The following DPP6 variants were observed in gnomAD, a reference collection of about 807,000 sequenced individuals.
The protein encoded by DPP6 is A-type potassium channel modulatory protein DPP6.
In DPP6, 69 loss-of-function variants were observed where a neutral mutation model predicts 122.6. That is an observed-to-expected ratio of 0.56 (90% CI 0.46 to 0.69). The LOEUF (loss-of-function observed/expected upper bound fraction) is 0.69. Among genes scored for constraint, DPP6 ranks in the 30% least tolerant of loss-of-function variants. The probability of loss-of-function intolerance (pLI) is 0.00; values close to 1 mark genes in which losing one functional copy is unlikely to be tolerated. For synonymous variants in DPP6, 418 were observed against 433.1 expected (o/e 0.97, Z 0.43); for missense variants, 928 against 1,116.9 (o/e 0.83, Z 2.41).
At chr7:154,651,521 G>C (rs1287635626) in intron 6 of DPP6, among the ~76,000 whole-genome samples, 3 of 152,026 alleles carry the variant, frequency 2.0e-5, no homozygotes, top group Non-Finnish European at 4.4e-5. Flanking sequence ...TTAATGATAC[G>C]AGCACCATGC....
intron 8 of DPP6, among the ~76,000 whole-genome samples, chr7:154,748,001 T>G (rs1387880120): frequency 6.6e-6 from 1 of 152,204 alleles, no homozygotes; most frequent in African/African-American, 2.4e-5. Context: ...GTACAAGCTG[T>G]CAGCTGACAA....
In DPP6 at chr7:154,494,554, G is replaced by C. The variant is rs77575363; in HGVS notation, c.457+19517G>C. Among the ~76,000 whole-genome samples, 18 of 151,430 alleles carry C rather than the reference G, an allele frequency of 1.2e-4. 1 individual carries two copies. In the East Asian group the frequency reaches 3.5e-3, roughly 29 times the overall value. On this transcript the variant is annotated intron_variant, in intron 3 of 25. Coordinates refer to ENST00000377770, the MANE Select transcript of DPP6 (RefSeq NM_130797.4). The stretch of plus-strand genomic sequence containing the variant: ...GGATGAATATGTTCTTATAATTTTT[G>C]TTTCTTTCTATATTTCAGATAAAAC...
chr7:154,446,417 T>C, intron 2 of DPP6, 89 bp downstream of exon 2: 2 of 766,898 alleles, frequency 2.6e-6, no homozygotes, highest in East Asian at 2.8e-5. Flanking sequence ...TAACTACCTA[T>C]TACATAATTT....
intron 2 of DPP6, 119 bp downstream of exon 2, chr7:154,446,447 T>G: frequency 1.7e-6 from 1 of 593,116 alleles, no homozygotes; most frequent in South Asian, 2.9e-5. Context: ...AAGTTCTAAT[T>G]CTCACTATGC....
At chr7:153,816,426 C>G in the DPP6 span, among the ~76,000 whole-genome samples, 1 of 152,006 alleles carries the variant, frequency 6.6e-6, no homozygotes, top group Non-Finnish European at 1.5e-5. Context: ...AATTGTTGCT[C>G]TCCTATTTGT....
At chr7:154,572,768 C>T (rs1480051663) in intron 5 of DPP6, among the ~76,000 whole-genome samples, 3 of 151,496 alleles carry the variant, frequency 2.0e-5, no homozygotes, top group African/African-American at 7.3e-5. Context: ...CAACCTCCAC[C>T]TCCCAGGTTC....
chr7:153,927,942 A>T (rs1415292051), intron 1 of DPP6, among the ~76,000 whole-genome samples: 2 of 152,192 alleles, frequency 1.3e-5, no homozygotes, highest in Non-Finnish European at 2.9e-5. Context: ...CCAAAAGAAT[A>T]GCTTCTGAAG....
At chr7:154,311,641 A>G (rs570325693) in intron 1 of DPP6, among the ~76,000 whole-genome samples, 37 of 152,284 alleles carry the variant, frequency 2.4e-4, no homozygotes, top group Middle Eastern at 3.4e-3. Context: ...TGGGGAGTGG[A>G]GAGGTCTCAA....
At chr7:154,840,635 T>C (rs1236808766) in intron 16 of DPP6, among the ~76,000 whole-genome samples, 2 of 152,240 alleles carry the variant, frequency 1.3e-5, no homozygotes, top group Non-Finnish European at 2.9e-5. Context: ...AAAACTGTTT[T>C]TACGTTCCAG....
At chr7:153,758,846 T>C in the DPP6 span, among the ~76,000 whole-genome samples, 1 of 152,050 alleles carries the variant, frequency 6.6e-6, no homozygotes, top group Non-Finnish European at 1.5e-5. Context: ...ATGTACAAGT[T>C]TTTATATGGA....
chr7:154,167,349 C>G (rs1287765556), intron 1 of DPP6, among the ~76,000 whole-genome samples: 2 of 152,232 alleles, frequency 1.3e-5, no homozygotes, highest in Admixed American at 1.3e-4. Flanking sequence ...TAGGAAGCCA[C>G]TCAGATTAGT....
intron 1 of DPP6, among the ~76,000 whole-genome samples, chr7:154,344,456 C>A (rs1230404542): frequency 6.6e-6 from 1 of 152,098 alleles, no homozygotes; most frequent in Non-Finnish European, 1.5e-5. Context: ...AACCCTCATA[C>A]GCTGTTGGTG....
At chr7:153,778,016 A>G in the DPP6 span, among the ~76,000 whole-genome samples, 5 of 147,960 alleles carry the variant, frequency 3.4e-5, no homozygotes, top group Non-Finnish European at 7.4e-5. Flanking sequence ...CAAACCAGTT[A>G]CTTTAAAAGC....
intron 10 of DPP6, among the ~76,000 whole-genome samples, chr7:154,788,539 A>C (rs1264060548): frequency 5.9e-5 from 9 of 152,238 alleles, no homozygotes; most frequent in African/African-American, 2.2e-4. Flanking sequence ...TATTAGCAAT[A>C]GACAGAAAGG....
intron 1 of DPP6, among the ~76,000 whole-genome samples, chr7:154,437,125 G>C (rs2151270281): frequency 6.6e-6 from 1 of 152,258 alleles, no homozygotes; most frequent in South Asian, 2.1e-4. Context: ...CCTGACAAAG[G>C]AGACTAAGGT....
intron 3 of DPP6, among the ~76,000 whole-genome samples, chr7:154,501,922 G>T (rs773504045): frequency 3.1e-4 from 44 of 143,006 alleles, no homozygotes; most frequent in Non-Finnish European, 5.7e-4. Context: ...CTGAAGGGAG[G>T]CTGTCCCCTG....
intron 1 of DPP6, among the ~76,000 whole-genome samples, chr7:154,233,692 T>A (rs144024072): frequency 2.6e-3 from 401 of 152,308 alleles, no homozygotes; most frequent in African/African-American, 9.3e-3. Context: ...GGACAGATTC[T>A]CTTACACAGC....
At chr7:154,684,205 A>T in intron 7 of DPP6, among the ~76,000 whole-genome samples, 1 of 150,856 alleles carries the variant, frequency 6.6e-6, no homozygotes, top group East Asian at 2.0e-4. Context: ...CTCACCCCTA[A>T]CTCCAATCCC....
chr7:154,782,365 T>A (rs1797078864), intron 10 of DPP6, among the ~76,000 whole-genome samples: 2 of 152,268 alleles, frequency 1.3e-5, no homozygotes, highest in Non-Finnish European at 2.9e-5. Flanking sequence ...AATGCTTCAA[T>A]ATCTCTCTTC....
Sources: allele counts gnomAD v4.1 joint callset (sites outside exome capture counted in the v4.1 genomes callset), GRCh38; gene constraint gnomAD v4.1.1; transcripts MANE v1.5; gene names NCBI Gene and HGNC (gene_info 2026-07-23, HGNC 2026-07-21).